ATXN1: variants seen among roughly 807,000 people sequenced by gnomAD.
ATXN1 encodes the protein ataxin 1.
In ATXN1, 8 loss-of-function variants were observed where a neutral mutation model predicts 56.4. The observed-to-expected ratio is 0.14, with a 90% CI of 0.08 to 0.26. ATXN1 has a LOEUF of 0.26. Ranked by LOEUF, ATXN1 falls within the 10% of genes least tolerant of loss-of-function variation. ATXN1 has a pLI of 1.00. For missense variants in ATXN1, 987 were observed against 1,106.5 expected (o/e 0.89, Z 1.53); for synonymous variants, 514 against 494.6 (o/e 1.04, Z -0.52).
In ATXN1 at chr6:16,454,125, CAAAAAAAAAAA is replaced by C. The variant is rs56277549; in HGVS notation, c.-161+31836_-161+31846del. Among the ~76,000 whole-genome samples, 251 of 76,668 alleles carry C rather than the reference CAAAAAAAAAAA, an allele frequency of 3.3e-3. 1 individual carries two copies. The highest frequency in any genetic ancestry group is 0.019 in the African/African-American group (240 of 12,702). The allele number at this position is 76,668 out of a possible 152,430, so 50.3% of individuals were successfully genotyped here. A position where few individuals can be genotyped will look rare whatever the true frequency, so the allele number is the denominator to read the frequency against. ...GGGCAATAAGAGCGAGACTCTGTCTCAAAAAAAAAAAAAAAAAAAAAAAAAAAAACAGAAGA... is the reference window on the plus strand; with the variant it reads ...GGGCAATAAGAGCGAGACTCTGTCTCAAAAAAAAAAAAAAAAAACAGAAGA... On this transcript the variant is annotated intron_variant, in intron 6 of 7. Transcript: ENST00000436367.
chr6:16,649,013 G>A (rs1373614193), intron 3 of ATXN1, among the ~76,000 whole-genome samples: 5 of 151,556 alleles, frequency 3.3e-5, no homozygotes, highest in Admixed American at 2.0e-4. Flanking sequence ...AATCTTCCCC[G>A]ATATCAAAAT....
intron 6 of ATXN1, among the ~76,000 whole-genome samples, chr6:16,476,870 C>CA (rs1760335660): frequency 6.6e-6 from 1 of 152,186 alleles, no homozygotes; most frequent in East Asian, 1.9e-4. Context: ...GTTGAGTATA[C>CA]AAAACGTGCT....
chr6:16,671,716 A>T (rs1758545942), intron 2 of ATXN1, among the ~76,000 whole-genome samples: 1 of 152,252 alleles, frequency 6.6e-6, no homozygotes, highest in African/African-American at 2.4e-5. Flanking sequence ...TTAATCACAC[A>T]GAAAAGATGA....
intron 6 of ATXN1, among the ~76,000 whole-genome samples, chr6:16,430,525 C>T (rs1332103780): frequency 1.1e-4 from 16 of 152,126 alleles, no homozygotes; most frequent in Non-Finnish European, 1.9e-4. Context: ...AATAATTTGT[C>T]TTGTTGTATG....
rs2113679647 is a variant in ATXN1 at position 16,506,457 on chromosome 6, A to C, written c.-299+16170T>G. Among the ~76,000 whole-genome samples the C allele has an allele frequency of 6.6e-6, 1 of 152,336 alleles. No homozygotes were observed. The highest frequency in any genetic ancestry group is 2.1e-4 in the South Asian group (1 of 4,828). On this transcript the variant is annotated intron_variant, in intron 5 of 7. Transcript: ENST00000436367. The surrounding 1 kb of genome is among the most constrained non-coding windows in gnomAD (Gnocchi z 4.1). Reference sequence around the variant, plus strand: ...AAGACATTCTGATGGAGATCAGGCCACAAGACAGTAGTTCAGAAAAGGGTA... The same window carrying C: ...AAGACATTCTGATGGAGATCAGGCCCCAAGACAGTAGTTCAGAAAAGGGTA...
chr6:16,669,499 T>C (rs550154969), intron 2 of ATXN1, among the ~76,000 whole-genome samples: 2 of 152,188 alleles, frequency 1.3e-5, no homozygotes, highest in Non-Finnish European at 2.9e-5. Context: ...TGGCAACAAT[T>C]ATAGTTCACA....
Position 16,384,035 on chromosome 6 carries a change from T to C in ATXN1, c.-160-55565A>G, listed in dbSNP as rs527993177. 2.2e-4 allele frequency among the ~76,000 whole-genome samples: 34 copies of C among 152,374 alleles called. No individual in the cohort carries two copies. The South Asian group carries it at 6.4e-3, about 29-fold the overall frequency. ...TGTAGAATGTGTTCTCTCTGTACCC[T>C]GTCTTGAATTCTATTTTGCACATCC... On this transcript the variant is annotated intron_variant, in intron 6 of 7. Coordinates refer to ENST00000436367, the MANE Select transcript of ATXN1 (RefSeq NM_001128164.2).
intron 2 of ATXN1, among the ~76,000 whole-genome samples, chr6:16,665,143 C>A (rs1758399278): frequency 1.3e-5 from 2 of 152,090 alleles, no homozygotes; most frequent in Non-Finnish European, 2.9e-5. Context: ...ATAGTTTCAG[C>A]AATTGTGGAT....
At chr6:16,461,313 G>A (rs1373378800) in intron 6 of ATXN1, among the ~76,000 whole-genome samples, 1 of 152,164 alleles carries the variant, frequency 6.6e-6, no homozygotes, top group Admixed American at 6.5e-5. Flanking sequence ...ACTCATATCC[G>A]AAGCCAGCCA....
chr6:16,420,746 C>A (rs1448132135), intron 6 of ATXN1, among the ~76,000 whole-genome samples: 1 of 152,182 alleles, frequency 6.6e-6, no homozygotes. Flanking sequence ...TAAGTTGCCA[C>A]TAGATAGAAT....
intron 7 of ATXN1, among the ~76,000 whole-genome samples, chr6:16,320,522 A>C (rs1238556434): frequency 1.3e-5 from 2 of 152,244 alleles, no homozygotes; most frequent in Non-Finnish European, 2.9e-5. Flanking sequence ...CACTGAGCAA[A>C]TGCTGTGTAC....
At chr6:16,680,207 CTT>C in intron 2 of ATXN1, among the ~76,000 whole-genome samples, 1 of 152,196 alleles carries the variant, frequency 6.6e-6, no homozygotes, top group South Asian at 2.1e-4. Context: ...GCTCTGTACT[CTT>C]GTTTTTTTCT....
intron 2 of ATXN1, among the ~76,000 whole-genome samples, chr6:16,751,725 C>A (rs1371871342): frequency 6.6e-6 from 1 of 152,190 alleles, no homozygotes; most frequent in African/African-American, 2.4e-5. Context: ...GTCCAAAGAC[C>A]AAGGTCCAGG....
intron 4 of ATXN1, among the ~76,000 whole-genome samples, chr6:16,547,544 G>A (rs1436395815): frequency 6.6e-6 from 1 of 152,110 alleles, no homozygotes; most frequent in Non-Finnish European, 1.5e-5. Context: ...AGACTGGGGG[G>A]CTTCAACAAT....
intron 6 of ATXN1, among the ~76,000 whole-genome samples, chr6:16,345,575 C>T (rs1761363778): frequency 6.6e-6 from 1 of 152,180 alleles, no homozygotes; most frequent in South Asian, 2.1e-4. Context: ...ATGACTCACA[C>T]TCGGTGAATG....
At chr6:16,581,215 G>C (rs1268650518) in intron 4 of ATXN1, among the ~76,000 whole-genome samples, 1 of 138,460 alleles carries the variant, frequency 7.2e-6, no homozygotes, top group Non-Finnish European at 1.5e-5. Flanking sequence ...GTGTGTGTGT[G>C]TGTGTGTGTG....
At chr6:16,521,485 G>A (rs1296630612) in intron 5 of ATXN1, among the ~76,000 whole-genome samples, 31 of 152,230 alleles carry the variant, frequency 2.0e-4, no homozygotes. Flanking sequence ...GTGAACCCGG[G>A]AGGCGGAGCT....
At chr6:16,346,858 C>T (rs952283334) in intron 6 of ATXN1, among the ~76,000 whole-genome samples, 20 of 152,232 alleles carry the variant, frequency 1.3e-4, no homozygotes, top group African/African-American at 4.8e-4. Context: ...AGCCGGCTCC[C>T]TCAGCTTGCG....
At position 16,302,336 on chromosome 6, in the gene ATXN1, C is replaced by G. The variant is rs1468941165; in HGVS notation, c.*3993G>C. On this transcript the variant is annotated 3_prime_UTR_variant, in exon 8 of 8. Coordinates refer to ENST00000436367, the MANE Select transcript of ATXN1 (RefSeq NM_001128164.2). ...CCCAACACACTCACCTAACAGAAAA[C>G]ATAGAGGCTCACAATTCCAAGTTAG... 6.6e-6 allele frequency: 1 copy of G among 152,388 alleles called. No individual in the cohort carries two copies. The highest frequency in any genetic ancestry group is 1.5e-5 in the Non-Finnish European group (1 of 68,038). 9.4% of individuals were successfully genotyped at this position (152,388 alleles called of 1,614,324 possible). A position where few individuals can be genotyped will look rare whatever the true frequency, so the allele number is the denominator to read the frequency against.
Sources: gnomAD v4.1 joint callset for allele counts (sites outside exome capture counted in the v4.1 genomes callset) on GRCh38, gnomAD v4.1.1 for gene constraint, Gnocchi (gnomAD v3.1) non-coding constraint, MANE v1.5 for transcripts, NCBI Gene and HGNC (gene_info 2026-07-23, HGNC 2026-07-21) for gene names.